The following PTPRO variants were observed in gnomAD, a reference collection of about 807,000 sequenced individuals.
PTPRO encodes protein tyrosine phosphatase receptor type O, also known as receptor-type tyrosine-protein phosphatase O.
A neutral mutation model predicts 145.2 loss-of-function variants in PTPRO; 62 were observed. The ratio of observed to expected loss-of-function variants is 0.43; its 90% CI spans 0.35 to 0.53. The LOEUF (loss-of-function observed/expected upper bound fraction) is 0.53. PTPRO is among the 20% of genes least tolerant of loss of function. PTPRO has a pLI of 0.01. For synonymous variants in PTPRO, 565 were observed against 514.7 expected (o/e 1.10, Z -1.32); for missense variants, 1,345 against 1,482.7 (o/e 0.91, Z 1.53).
At chr12:15,377,890 T>C (rs1565595335) in intron 1 of PTPRO, among the ~76,000 whole-genome samples, 1 of 152,078 alleles carries the variant, frequency 6.6e-6, no homozygotes, top group African/African-American at 2.4e-5. Context: ...CACTTCTAAA[T>C]AACCAATGGG....
intron 7 of PTPRO, among the ~76,000 whole-genome samples, chr12:15,513,976 C>T (rs1263909966): frequency 6.6e-6 from 1 of 152,108 alleles, no homozygotes; most frequent in Non-Finnish European, 1.5e-5. Flanking sequence ...GTGTTCTTTC[C>T]ACCAAGCAAT....
At chr12:15,505,941 T>G (rs1942312856) in intron 6 of PTPRO, among the ~76,000 whole-genome samples, 1 of 152,224 alleles carries the variant, frequency 6.6e-6, no homozygotes, top group Admixed American at 6.5e-5. Flanking sequence ...AATAGCCTTA[T>G]GAAGAAAACA....
chr12:15,369,962 G>T (rs1266431540), intron 1 of PTPRO, among the ~76,000 whole-genome samples: 1 of 152,146 alleles, frequency 6.6e-6, no homozygotes, highest in Non-Finnish European at 1.5e-5. Context: ...TGAGACAGGA[G>T]AATTGCTTGA....
At chr12:15,427,554 T>G (rs1328729886) in intron 1 of PTPRO, among the ~76,000 whole-genome samples, 2 of 151,782 alleles carry the variant, frequency 1.3e-5, no homozygotes, top group Non-Finnish European at 2.9e-5. Flanking sequence ...ATTTTATCTC[T>G]TCTTTTGCAA....
At chr12:15,419,789 G>A (rs965146061) in intron 1 of PTPRO, among the ~76,000 whole-genome samples, 4 of 150,964 alleles carry the variant, frequency 2.6e-5, no homozygotes, top group South Asian at 2.1e-4. Context: ...AGAATTTGTC[G>A]AGATTACTAG....
At chr12:15,576,670 A>G (rs955728172) in intron 19 of PTPRO, among the ~76,000 whole-genome samples, 2 of 152,242 alleles carry the variant, frequency 1.3e-5, no homozygotes, top group African/African-American at 2.4e-5. Flanking sequence ...GTATTTTACA[A>G]TGATCATCAA....
At chr12:15,451,931 A>G (rs1941056484) in intron 1 of PTPRO, among the ~76,000 whole-genome samples, 2 of 152,214 alleles carry the variant, frequency 1.3e-5, no homozygotes, top group Admixed American at 1.3e-4. Context: ...TCACACCTCA[A>G]GGAACTAGAG....
chr12:15,374,375 A>C (rs2136264507), intron 1 of PTPRO, among the ~76,000 whole-genome samples: 1 of 151,926 alleles, frequency 6.6e-6, no homozygotes, highest in East Asian at 1.9e-4. Context: ...AAAATTAGCC[A>C]AATACATGTA....
chr12:15,463,438 T>C (rs1386551331), intron 1 of PTPRO, among the ~76,000 whole-genome samples: 1 of 152,156 alleles, frequency 6.6e-6, no homozygotes, highest in Non-Finnish European at 1.5e-5. Context: ...ATGCATTCTC[T>C]GCAAATCAGA....
chr12:15,501,736 G>A lies in PTPRO; in HGVS notation c.778G>A (p.Gly260Arg). ...ESFMRSQDTI[G>R]KEKLFHFTEE... ...CTTCATGAGATCACAAGATACAATA[G>A]GAAAAGAAAAACTCTTCCATTTTAC... The change falls in exon 5 of 27, where the codon GGA (glycine) becomes AGA (arginine). Residue 260 changes from glycine (G) to arginine (R), a missense_variant. By Grantham distance (125) the Gly-to-Arg change is moderately radical. Around this residue, in one of 3 missense-constraint regions of PTPRO, gnomAD observed 1,130 missense variants for 1,214.7 expected, o/e 0.93. Transcript: ENST00000281171. 1 of 1,613,920 alleles carries A rather than the reference G, an allele frequency of 6.2e-7. No homozygotes were observed. Among genetic ancestry groups the A allele is most frequent in the Non-Finnish European group, 8.5e-7 (1 of 1,179,898 alleles).
intron 1 of PTPRO, among the ~76,000 whole-genome samples, chr12:15,400,356 C>T (rs1406551284): frequency 6.6e-6 from 1 of 152,124 alleles, no homozygotes; most frequent in Non-Finnish European, 1.5e-5. Context: ...TGTGATGAAA[C>T]CCCCAGCAGC....
intron 1 of PTPRO, among the ~76,000 whole-genome samples, chr12:15,469,263 G>A (rs1941484198): frequency 6.6e-6 from 1 of 152,194 alleles, no homozygotes; most frequent in Admixed American, 6.5e-5. Context: ...ATACCAGTAA[G>A]CATGGAAAAG....
intron 1 of PTPRO, among the ~76,000 whole-genome samples, chr12:15,441,395 A>C (rs1940760112): frequency 6.6e-6 from 1 of 152,184 alleles, no homozygotes; most frequent in African/African-American, 2.4e-5. Flanking sequence ...TGCTTACCTC[A>C]AAGAGTTAGA....
Position 15,499,482 on chromosome 12 carries a change from A to G in PTPRO, c.549A>G (p.Pro183=), listed in dbSNP as rs751934440. ...AAACAGTATTTAATCACTGGCTGCC[A>G]GGAATGTGTTATAGTAATATCACCT... The part of the protein sequence containing the change: ...KGKTVFNHWL[P]GMCYSNITFQ... Residue 183 remains proline (P), a synonymous_variant, in exon 4 of 27, where the codon CCA becomes CCG. Transcript: ENST00000281171. 3.7e-6 allele frequency: 6 copies of G among 1,613,668 alleles called. No individual in the cohort carries two copies. In the East Asian group the frequency reaches 6.7e-5, roughly 18 times the overall value.
intron 2 of PTPRO, among the ~76,000 whole-genome samples, chr12:15,487,621 A>G (rs1008594065): frequency 4.1e-5 from 6 of 145,832 alleles, no homozygotes; most frequent in African/African-American, 1.6e-4. Context: ...CTAGTCCCCT[A>G]TCCTGCCTCT....
At chr12:15,559,763 T>C (rs1943725417) in intron 16 of PTPRO, among the ~76,000 whole-genome samples, 2 of 152,188 alleles carry the variant, frequency 1.3e-5, no homozygotes, top group African/African-American at 4.8e-5. Flanking sequence ...TGACCATTTT[T>C]ATTTTCTCAC....
At chr12:15,454,620 C>T (rs1263029203) in intron 1 of PTPRO, among the ~76,000 whole-genome samples, 1 of 152,104 alleles carries the variant, frequency 6.6e-6, no homozygotes, top group African/African-American at 2.4e-5. Flanking sequence ...CTTGTGTTGC[C>T]TATGTTTTTG....
At chr12:15,545,633 CT>C (rs1943269024) in intron 12 of PTPRO, among the ~76,000 whole-genome samples, 1 of 151,954 alleles carries the variant, frequency 6.6e-6, no homozygotes, top group South Asian at 2.1e-4. Flanking sequence ...ACACAGCTTC[CT>C]TTACGAATGG....
chr12:15,481,281 C>T (rs974618194), intron 1 of PTPRO, among the ~76,000 whole-genome samples: 2 of 152,118 alleles, frequency 1.3e-5, no homozygotes, highest in Non-Finnish European at 2.9e-5. Context: ...GAAACCTGCC[C>T]ATGTGTCTGG....
Sources: gnomAD v4.1 joint callset for allele counts (sites outside exome capture counted in the v4.1 genomes callset) on GRCh38, gnomAD v4.1.1 for gene constraint, gnomAD v4.1.1 regional missense constraint, MANE v1.5 for transcripts, NCBI Gene and HGNC (gene_info 2026-07-23, HGNC 2026-07-21) for gene names.